CELF3: variants seen among roughly 807,000 people sequenced by gnomAD.
The protein encoded by CELF3 is CUGBP Elav-like family member 3, also known as CAG repeat domain.
In CELF3, 26 loss-of-function variants were observed where a neutral mutation model predicts 59.6. The ratio of observed to expected loss-of-function variants is 0.44; its 90% CI spans 0.32 to 0.61. The LOEUF is 0.61. Ranked by LOEUF, CELF3 falls within the 20% of genes least tolerant of loss-of-function variation. CELF3 has a pLI of 0.06. For synonymous variants in CELF3, 245 were observed against 250.7 expected, an observed-to-expected ratio of 0.98 and a Z score of 0.22; for missense variants, 387 against 627.2, an observed-to-expected ratio of 0.62 and a Z score of 4.09.
intron 8 of CELF3, 85 bp from the exon 9 acceptor site, chr1:151,706,819 C>T: frequency 9.1e-7 from 1 of 1,104,896 alleles, no homozygotes; most frequent in Non-Finnish European, 1.3e-6. Context: ...GGGCCGAGGC[C>T]AGGCAGGTGG....
intron 6 of CELF3, 34 bp from the exon 7 acceptor site, chr1:151,707,682 C>A (rs1165230090): frequency 3.8e-6 from 6 of 1,598,996 alleles, no homozygotes; most frequent in Non-Finnish European, 4.3e-6. Context: ...GGGGCAGGCC[C>A]CCTGTGCCCA....
chr1:151,706,387 G>C (rs1290482522), intron 9 of CELF3, 26 bp from the exon 10 acceptor site: 4 of 1,528,666 alleles, frequency 2.6e-6, no homozygotes, highest in Non-Finnish European at 3.5e-6. Context: ...GAGAGAGGCT[G>C]ATGGGGCTTC....
Position 151,703,655 on chromosome 1 carries a change from G to A in CELF3, c.*11-207C>T, listed in dbSNP as rs1411094615. ...CAGGGATAGAGGAGACAGGAGGGAG[G>A]GGGCAAACCATACAGGAAACCAAAC... On this transcript the variant is annotated intron_variant, in intron 12 of 12. Coordinates refer to ENST00000290583, the MANE Select transcript of CELF3 (RefSeq NM_007185.7). 3.3e-5 allele frequency among the ~76,000 whole-genome samples: 5 copies of A among 152,100 alleles called. No individual in the cohort carries two copies. In the East Asian group the frequency reaches 9.7e-4, roughly 29 times the overall value.
At chr1:151,710,323 A>T (rs1435606608) in intron 2 of CELF3, 1 of 277,664 alleles carries the variant, frequency 3.6e-6, no homozygotes, top group East Asian at 9.3e-5. Context: ...CGGGCAGCAC[A>T]AAGGGAGCAG....
Position 151,716,150 on chromosome 1 carries a change from A to C in CELF3, c.-130T>G. The C allele has an allele frequency of 1.1e-6, 1 of 895,470 alleles. No individual in the cohort carries two copies. The highest frequency in any genetic ancestry group is 1.6e-6 in the Non-Finnish European group (1 of 606,070). The allele number at this position is 895,470 out of a possible 1,614,324, so 55.5% of individuals were successfully genotyped here. ...GGGCTGGCTTTCCCTTTGGCCCCCA[A>C]CCACGCTGCTAAGCAGAGGGGCGGC... On this transcript the variant is annotated 5_prime_UTR_variant, in exon 1 of 13. Transcript: ENST00000290583.
chr1:151,706,566 G>T, intron 9 of CELF3, 103 bp downstream of exon 9: 1 of 1,322,778 alleles, frequency 7.6e-7, no homozygotes, highest in Non-Finnish European at 1.1e-6. Context: ...AGCCTGAAGA[G>T]GGTGATTGGC....
In CELF3 at chr1:151,703,223, C is replaced by A. The variant is rs981584953; in HGVS notation, c.*236G>T. 4 of 457,922 alleles carry A rather than the reference C, an allele frequency of 8.7e-6. No homozygotes were observed. The highest frequency in any genetic ancestry group is 1.5e-5 in the South Asian group (1 of 64,612). The allele number at this position is 457,922 out of a possible 1,614,324, so 28.4% of individuals were successfully genotyped here. On this transcript the variant is annotated 3_prime_UTR_variant, in exon 13 of 13. Coordinates refer to ENST00000290583, the MANE Select transcript of CELF3 (RefSeq NM_007185.7). ...CCTGTTCCTCGCTCCCTCACAAAGG[C>A]CAAAAGGGCATCTAGGAGGAAATGG... is the stretch of plus-strand genomic sequence containing the variant.
chr1:151,709,384 G>A lies in CELF3; in HGVS notation c.278-36C>T. ...GGGCACAGGAGGAGGGCATGTTCAG[G>A]GCCTCCTGGCTGCCTTCCCAGCCCT... On this transcript the variant is annotated intron_variant, in intron 3 of 12. Coordinates refer to ENST00000290583, the MANE Select transcript of CELF3 (RefSeq NM_007185.7). This position sits in a 1 kb window ranked among gnomAD's most constrained non-coding sequence, Gnocchi z 4.9. 1 of 1,612,938 alleles carries A rather than the reference G, an allele frequency of 6.2e-7. No homozygotes were observed. The highest frequency in any genetic ancestry group is 8.5e-7 in the Non-Finnish European group (1 of 1,179,256).
In CELF3 at chr1:151,709,690, C is replaced by T; in HGVS notation, c.277+53G>A. 2 of 1,570,678 alleles carry T rather than the reference C, an allele frequency of 1.3e-6. No individual in the cohort carries two copies. The highest frequency in any genetic ancestry group is 1.8e-6 in the Non-Finnish European group (2 of 1,140,426). On this transcript the variant is annotated intron_variant, in intron 3 of 12. Transcript: ENST00000290583. The surrounding 1 kb of genome is among the most constrained non-coding windows in gnomAD (Gnocchi z 4.9). The stretch of plus-strand genomic sequence containing the variant: ...AGGCTACCCCTCGACAACTCCAGGC[C>T]CTGGGCCTGGGGGTGGGAGGAGAGG...
intron 5 of CELF3, chr1:151,708,480 T>C (rs1672753510): frequency 1.1e-5 from 2 of 185,636 alleles, no homozygotes; most frequent in Admixed American, 1.1e-4. Flanking sequence ...TACCCAATGC[T>C]GTGTCCCCTC....
In CELF3 at chr1:151,701,316, A is replaced by G. The variant is rs1364138147; in HGVS notation, c.*2143T>C. Among the ~76,000 whole-genome samples, 1 of 152,190 alleles carries G rather than the reference A, an allele frequency of 6.6e-6. No homozygotes were observed. The highest frequency in any genetic ancestry group is 1.5e-5 in the Non-Finnish European group (1 of 68,036). On this transcript the variant is annotated 3_prime_UTR_variant, in exon 13 of 13. Transcript: ENST00000290583. ...GTAGCAGCCTAGAAGCACATGTTCT[A>G]TGAAGTCAAAGAAGACACCTGTGTG...
In CELF3 at chr1:151,705,221, CT is replaced by C. The variant is rs1672412900; in HGVS notation, c.1271-54del. 2 of 1,561,964 alleles carry C rather than the reference CT, an allele frequency of 1.3e-6. No homozygotes were observed. Among genetic ancestry groups the C allele is most frequent in the African/African-American group, 2.7e-5 (2 of 74,072 alleles). ...CCCAGCCCCACCTCGCTCTTCCGTG[CT>C]TAGGAGACCTCTGGCACTACCCTGT... On this transcript the variant is annotated intron_variant, in intron 11 of 12. Coordinates refer to ENST00000290583, the MANE Select transcript of CELF3 (RefSeq NM_007185.7). The surrounding 1 kb of genome is among the most constrained non-coding windows in gnomAD (Gnocchi z 5.1).
In CELF3 at chr1:151,706,230, TTTGCTGCTGCTGCTG is replaced by T. The variant is rs751241389; in HGVS notation, c.1105_1119del (p.Gln369_Gln373del). The T allele has an allele frequency of 9.9e-6, 16 of 1,608,906 alleles. No homozygotes were observed. The highest frequency in any genetic ancestry group is 1.2e-5 in the Non-Finnish European group (14 of 1,178,482). The stretch of plus-strand genomic sequence containing the variant: ...CCAAGGCCCCAGCCAGCACCTTCTC[TTTGCTGCTGCTGCTG>T]TTGCTGCTGCTGCTGCTGCTGCTGC... On this transcript the variant is annotated inframe_deletion, in exon 10 of 13. Coordinates refer to ENST00000290583, the MANE Select transcript of CELF3 (RefSeq NM_007185.7).
At chr1:151,711,073 G>A in intron 2 of CELF3, 1 of 344,466 alleles carries the variant, frequency 2.9e-6, no homozygotes, top group South Asian at 2.3e-5. Flanking sequence ...AAAGGTACTG[G>A]ACTGGGAGTC....
In CELF3 at chr1:151,715,927, G is replaced by A. The variant is rs1673446290; in HGVS notation, c.94C>T (p.Arg32Trp). 4 of 1,613,988 alleles carry A rather than the reference G, an allele frequency of 2.5e-6. No individual in the cohort carries two copies. The highest frequency in any genetic ancestry group is 1.1e-5 in the South Asian group (1 of 91,078). Residue 32 changes from arginine to tryptophan, a missense_variant, in exon 1 of 13, where the codon CGG becomes TGG. Around this residue, in one of 3 missense-constraint regions of CELF3, gnomAD observed 208 missense variants for 354.8 expected, o/e 0.59. Transcript: ENST00000290583. ...DLKPIFEQFGRIFELTVIKDK... is the reference protein window; with the variant it reads ...DLKPIFEQFGWIFELTVIKDK... ...TTGATGACAGTCAGCTCAAAGATCCGACCAAACTGTTCGAAGATGGGCTTC... is the reference window on the plus strand; with the variant it reads ...TTGATGACAGTCAGCTCAAAGATCCAACCAAACTGTTCGAAGATGGGCTTC...
intron 1 of CELF3, chr1:151,715,588 T>G (rs1413519849): frequency 7.1e-7 from 1 of 1,402,004 alleles, no homozygotes; most frequent in South Asian, 1.2e-5. Flanking sequence ...CCTCCATTCT[T>G]TCTTGAGTTC....
intron 10 of CELF3, 101 bp downstream of exon 10, chr1:151,706,123 C>T (rs1227009041): frequency 2.4e-5 from 38 of 1,603,576 alleles, no homozygotes; most frequent in Non-Finnish European, 3.0e-5. Flanking sequence ...CACTTGCTTT[C>T]ATCCTGACAC....
chr1:151,703,498 G>A lies in CELF3; in HGVS notation c.*11-50C>T, dbSNP rs3748611. ...AGCATGGGGAAGAGACCCCCGATGCGGATCACGGGCTCTGGGGGAGGGGAG... is the reference window on the plus strand; with the variant it reads ...AGCATGGGGAAGAGACCCCCGATGCAGATCACGGGCTCTGGGGGAGGGGAG... On this transcript the variant is annotated intron_variant, in intron 12 of 12. Coordinates refer to ENST00000290583, the MANE Select transcript of CELF3 (RefSeq NM_007185.7). 310 of 326,680 alleles carry A rather than the reference G, an allele frequency of 9.5e-4. 8 individuals are homozygous for A. In the East Asian group the frequency reaches 0.019, roughly 21 times the overall value. The allele number at this position is 326,680 out of a possible 1,614,324, so 20.2% of individuals were successfully genotyped here. A position where few individuals can be genotyped will look rare whatever the true frequency, so the allele number is the denominator to read the frequency against.
Position 151,709,871 on chromosome 1 carries a change from A to T in CELF3, c.229-80T>A. On this transcript the variant is annotated intron_variant, in intron 2 of 12. Transcript: ENST00000290583. The surrounding 1 kb of genome is among the most constrained non-coding windows in gnomAD (Gnocchi z 4.9). ...CCCTCCCAGGCCAGGCCCTGCAGAG[A>T]GACTAGAGGGGCAAGCCCCAGGCCC... 2.2e-6 allele frequency: 3 copies of T among 1,377,290 alleles called. No homozygotes were observed. The highest frequency in any genetic ancestry group is 3.1e-6 in the Non-Finnish European group (3 of 963,978). The allele number at this position is 1,377,290 out of a possible 1,614,324, so 85.3% of individuals were successfully genotyped here.
Sources: gnomAD v4.1 joint callset for allele counts (sites outside exome capture counted in the v4.1 genomes callset) on GRCh38, gnomAD v4.1.1 for gene constraint, gnomAD v4.1.1 regional missense constraint, Gnocchi (gnomAD v3.1) non-coding constraint, MANE v1.5 for transcripts, NCBI Gene and HGNC (gene_info 2026-07-23, HGNC 2026-07-21) for gene names.